The following CNTN5 variants were observed in gnomAD, a reference collection of about 807,000 sequenced individuals.
CNTN5 encodes contactin 5, also known as contactin-5.
In CNTN5, 77 loss-of-function variants were observed where a neutral mutation model predicts 129.1. That is an observed-to-expected ratio of 0.60 (90% confidence interval 0.50 to 0.72). The LOEUF (loss-of-function observed/expected upper bound fraction) is 0.72. CNTN5 is among the 30% of genes least tolerant of loss of function. The probability of loss-of-function intolerance (pLI) is 0.00; values close to 1 mark genes in which losing one functional copy is unlikely to be tolerated. For missense variants in CNTN5, 1,478 were observed against 1,328.8 expected (o/e 1.11, Z -1.75); for synonymous variants, 509 against 465.6 (o/e 1.09, Z -1.20).
chr11:99,368,258 A>T (rs530153223), intron 2 of CNTN5, among the ~76,000 whole-genome samples: 1 of 152,258 alleles, frequency 6.6e-6, no homozygotes, highest in South Asian at 2.1e-4. Flanking sequence ...GTTATTCTAG[A>T]GTACCCTTGA....
intron 3 of CNTN5, among the ~76,000 whole-genome samples, chr11:99,594,938 A>T (rs1008089388): frequency 1.3e-5 from 2 of 152,238 alleles, no homozygotes; most frequent in South Asian, 2.1e-4. Flanking sequence ...TAAAGACAAC[A>T]TTAAGTGAAA....
chr11:99,383,746 A>G, intron 2 of CNTN5, among the ~76,000 whole-genome samples: 1 of 152,176 alleles, frequency 6.6e-6, no homozygotes, highest in East Asian at 1.9e-4. Flanking sequence ...TGCTTGTCTT[A>G]ACAGGGCAGA....
intron 3 of CNTN5, among the ~76,000 whole-genome samples, chr11:99,635,136 T>C (rs1163707842): frequency 1.3e-5 from 2 of 152,200 alleles, no homozygotes; most frequent in African/African-American, 2.4e-5. Context: ...TATAATTGCT[T>C]TTCTCCTTTT....
chr11:99,224,027 A>G (rs936622486), intron 1 of CNTN5, among the ~76,000 whole-genome samples: 14 of 152,326 alleles, frequency 9.2e-5, no homozygotes, highest in African/African-American at 2.2e-4. Context: ...AGGAAACTTC[A>G]GCATTCCTAA....
At chr11:100,176,399 T>C (rs922723341) in intron 13 of CNTN5, among the ~76,000 whole-genome samples, 4 of 152,150 alleles carry the variant, frequency 2.6e-5, no homozygotes, top group Non-Finnish European at 5.9e-5. Context: ...ACAGTTATTA[T>C]TTTATTGTTC....
intron 18 of CNTN5, among the ~76,000 whole-genome samples, chr11:100,284,632 A>G (rs1950725443): frequency 6.6e-6 from 1 of 152,360 alleles, no homozygotes; most frequent in Non-Finnish European, 1.5e-5. Context: ...TTGAATTTTA[A>G]TATTCTATAC....
chr11:99,078,788 G>T (rs560897980), intron 1 of CNTN5, among the ~76,000 whole-genome samples: 36 of 152,220 alleles, frequency 2.4e-4, no homozygotes, highest in African/African-American at 8.7e-4. Flanking sequence ...GCTACCAGAG[G>T]CTGGGAAGGG....
intron 1 of CNTN5, among the ~76,000 whole-genome samples, chr11:99,022,169 A>G (rs1427426989): frequency 6.6e-6 from 1 of 152,206 alleles, no homozygotes; most frequent in African/African-American, 2.4e-5. Context: ...TTAAAAGAGA[A>G]AATCATTTAG....
At chr11:99,658,850 T>C (rs1273287095) in intron 3 of CNTN5, among the ~76,000 whole-genome samples, 3 of 140,812 alleles carry the variant, frequency 2.1e-5, no homozygotes, top group Non-Finnish European at 4.5e-5. Context: ...ATGGCACCAT[T>C]GCACTCCAGA....
chr11:99,029,653 T>C (rs1863268497), intron 1 of CNTN5, among the ~76,000 whole-genome samples: 1 of 152,118 alleles, frequency 6.6e-6, no homozygotes, highest in African/African-American at 2.4e-5. Context: ...ACAGAAAGAA[T>C]GCTTTTAATG....
intron 9 of CNTN5, among the ~76,000 whole-genome samples, chr11:100,014,043 T>A (rs1205810569): frequency 6.6e-6 from 1 of 152,154 alleles, no homozygotes; most frequent in Non-Finnish European, 1.5e-5. Flanking sequence ...AATTTAGAAC[T>A]TCAAGAAGGT....
At chr11:99,829,877 G>A (rs554083555) in intron 4 of CNTN5, among the ~76,000 whole-genome samples, 7 of 152,178 alleles carry the variant, frequency 4.6e-5, no homozygotes, top group African/African-American at 1.4e-4. Flanking sequence ...GCTTTCGGGG[G>A]ACATAGGCAA....
chr11:100,344,516 G>T (rs1284530709), intron 23 of CNTN5, among the ~76,000 whole-genome samples: 1 of 152,090 alleles, frequency 6.6e-6, no homozygotes, highest in East Asian at 1.9e-4. Flanking sequence ...GGAACAAAGA[G>T]AGCTTAATCC....
intron 2 of CNTN5, among the ~76,000 whole-genome samples, chr11:99,464,090 A>G (rs1447777675): frequency 6.6e-6 from 1 of 152,224 alleles, no homozygotes; most frequent in Non-Finnish European, 1.5e-5. Context: ...TAGCAGACAG[A>G]TGCAGCTGTT....
At chr11:99,803,577 G>C (rs1946178729) in intron 3 of CNTN5, among the ~76,000 whole-genome samples, 1 of 152,146 alleles carries the variant, frequency 6.6e-6, no homozygotes, top group Non-Finnish European at 1.5e-5. Flanking sequence ...AGTTTTTGCT[G>C]GTGTCTTTTC....
chr11:100,323,573 A>G (rs1318438169), intron 21 of CNTN5, among the ~76,000 whole-genome samples: 1 of 150,918 alleles, frequency 6.6e-6, no homozygotes, highest in Admixed American at 6.6e-5. Flanking sequence ...CATTTCCATC[A>G]TTTTCTTAAT....
chr11:99,677,662 A>G (rs950749186), intron 3 of CNTN5, among the ~76,000 whole-genome samples: 3 of 152,170 alleles, frequency 2.0e-5, no homozygotes, highest in Admixed American at 6.5e-5. Context: ...TCTAGATTAC[A>G]TTTCTTAAAA....
intron 2 of CNTN5, among the ~76,000 whole-genome samples, chr11:99,457,260 C>A (rs1434556683): frequency 6.6e-6 from 1 of 151,852 alleles, no homozygotes; most frequent in Non-Finnish European, 1.5e-5. Context: ...TAACCTCCCT[C>A]ATAATGAAAA....
chr11:99,474,588 T>G (rs1038515418), intron 2 of CNTN5, among the ~76,000 whole-genome samples: 8 of 152,126 alleles, frequency 5.3e-5, no homozygotes, highest in Admixed American at 5.2e-4. Context: ...ATAATCAAGA[T>G]TGAAGGAAAA....
Sources: allele counts gnomAD v4.1 joint callset (sites outside exome capture counted in the v4.1 genomes callset), GRCh38; gene constraint gnomAD v4.1.1; transcripts MANE v1.5; gene names NCBI Gene and HGNC (gene_info 2026-07-23, HGNC 2026-07-21).